Variants in PPP1R37 observed in about 807,000 individuals in gnomAD.
The protein encoded by PPP1R37 is protein phosphatase 1 regulatory subunit 37.
Under a neutral mutation model 61.0 loss-of-function variants are expected in PPP1R37, and 21 were observed. The ratio of observed to expected loss-of-function variants is 0.34; its 90% confidence interval spans 0.24 to 0.50. The LOEUF (loss-of-function observed/expected upper bound fraction) is 0.50. Among genes scored for constraint, PPP1R37 ranks in the 20% least tolerant of loss-of-function variants. The pLI, the probability that PPP1R37 is intolerant of heterozygous loss-of-function variation, is 0.98. For synonymous variants in PPP1R37, 443 were observed against 433.5 expected (o/e 1.02, Z -0.27); for missense variants, 910 against 952.7 (o/e 0.96, Z 0.59).
At chr19:45,108,120 T>C (rs996906997) in intron 1 of PPP1R37, among the ~76,000 whole-genome samples, 1 of 152,108 alleles carries the variant, frequency 6.6e-6, no homozygotes, top group African/African-American at 2.4e-5. Flanking sequence ...GGACAGTGAG[T>C]GTTGAGGGCT....
intron 1 of PPP1R37, among the ~76,000 whole-genome samples, chr19:45,114,837 C>G (rs1323640038): frequency 6.6e-6 from 1 of 151,582 alleles, no homozygotes; most frequent in Non-Finnish European, 1.5e-5. Context: ...CATCACAAGG[C>G]AGAAAGTCAC....
intron 1 of PPP1R37, among the ~76,000 whole-genome samples, chr19:45,120,458 G>C (rs1255359461): frequency 6.6e-6 from 1 of 152,226 alleles, no homozygotes; most frequent in African/African-American, 2.4e-5. Context: ...TCCACTGCGT[G>C]GATGAACTCT....
intron 1 of PPP1R37, among the ~76,000 whole-genome samples, chr19:45,107,468 G>C (rs1174553753): frequency 6.6e-6 from 1 of 152,112 alleles, no homozygotes; most frequent in Admixed American, 6.5e-5. Context: ...ACCAAGCCTG[G>C]TGGCTCATGC....
At chr19:45,141,627 T>C (rs1448160398) in intron 5 of PPP1R37, among the ~76,000 whole-genome samples, 186 bp downstream of exon 5, 1 of 152,206 alleles carries the variant, frequency 6.6e-6, no homozygotes, top group Non-Finnish European at 1.5e-5. Context: ...CCAGGCCCCC[T>C]GGCCCCTTCT....
In PPP1R37 at chr19:45,146,937, G is replaced by C. The variant is rs2122763080; in HGVS notation, c.*375G>C. 1 of 166,626 alleles carries C rather than the reference G, an allele frequency of 6.0e-6. No homozygotes were observed. Among genetic ancestry groups the C allele is most frequent in the Non-Finnish European group, 1.3e-5 (1 of 76,538 alleles). The allele number at this position is 166,626 out of a possible 1,614,324, so 10.3% of individuals were successfully genotyped here. A position where few individuals can be genotyped will look rare whatever the true frequency, so the allele number is the denominator to read the frequency against. ...TGGTCCCCTGTGGCCCCGGGCACAG[G>C]GCCGGGCAGGCAGCCTGGTGCCGGA... On this transcript the variant is annotated 3_prime_UTR_variant, in exon 13 of 13. Transcript: ENST00000221462.
intron 1 of PPP1R37, among the ~76,000 whole-genome samples, chr19:45,138,009 A>G (rs1158520611): frequency 6.6e-6 from 1 of 152,032 alleles, no homozygotes; most frequent in East Asian, 1.9e-4. Flanking sequence ...TGACAGTGCA[A>G]GCGTTTGGTC....
intron 1 of PPP1R37, among the ~76,000 whole-genome samples, chr19:45,093,829 G>A (rs1008071621): frequency 2.6e-5 from 4 of 152,206 alleles, no homozygotes; most frequent in African/African-American, 9.7e-5. Context: ...GAGTGTGGCA[G>A]CCTTTGCGTT....
chr19:45,133,689 C>T (rs1258875160), intron 1 of PPP1R37, among the ~76,000 whole-genome samples: 1 of 152,208 alleles, frequency 6.6e-6, no homozygotes, highest in Non-Finnish European at 1.5e-5. Context: ...GGGGACCCAC[C>T]CCTTTATGAG....
chr19:45,136,409 TG>T (rs749153523), intron 1 of PPP1R37: 4 of 152,350 alleles, frequency 2.6e-5, no homozygotes, highest in African/African-American at 9.6e-5. Flanking sequence ...AAGAGATAAG[TG>T]TCTCCCCTCA....
chr19:45,113,746 C>T (rs1968230169), intron 1 of PPP1R37, among the ~76,000 whole-genome samples: 1 of 152,238 alleles, frequency 6.6e-6, no homozygotes. Flanking sequence ...TCCGTGAGCT[C>T]ACTCAGAGAG....
At position 45,138,536 on chromosome 19, in the gene PPP1R37, G is replaced by A. The variant is rs1251555283; in HGVS notation, c.225G>A (p.Glu75=). The part of the protein sequence containing the change: ...WRHAQNVTVD[E]VIGAYKQACQ... ...CAGCCCAGAATGTGACCGTGGACGA[G>A]GTCATCGGCGCCTACAAGCAGGCCT... The change falls in exon 2 of 13, where the codon GAG becomes GAA. Residue 75 remains glutamate (E), a synonymous_variant. Coordinates refer to ENST00000221462, the MANE Select transcript of PPP1R37 (RefSeq NM_019121.2). 1.3e-6 allele frequency: 2 copies of A among 1,536,006 alleles called. No individual in the cohort carries two copies. Among genetic ancestry groups the A allele is most frequent in the South Asian group, 2.4e-5 (2 of 84,058 alleles).
chr19:45,129,913 C>T (rs920439774), intron 1 of PPP1R37, among the ~76,000 whole-genome samples: 1 of 152,210 alleles, frequency 6.6e-6, no homozygotes, highest in South Asian at 2.1e-4. Flanking sequence ...TGGAAAAAAA[C>T]AATAATAGTC....
chr19:45,094,239 C>T (rs902238300), intron 1 of PPP1R37, among the ~76,000 whole-genome samples: 3 of 152,176 alleles, frequency 2.0e-5, no homozygotes, highest in Non-Finnish European at 4.4e-5. Context: ...CCTCCTTGGC[C>T]TCCCAGAGTG....
chr19:45,142,066 C>T lies in PPP1R37; in HGVS notation c.573C>T (p.Ser191=), dbSNP rs1174545025. 6.6e-7 allele frequency: 1 copy of T among 1,516,290 alleles called. No homozygotes were observed. Among genetic ancestry groups the T allele is most frequent in the Non-Finnish European group, 8.8e-7 (1 of 1,135,324 alleles). The allele number at this position is 1,516,290 out of a possible 1,614,324, so 93.9% of individuals were successfully genotyped here. Reference sequence around the variant, plus strand: ...CTGTCCTCTTGCCCCTGCAGACGAGCTGCCTGCAGTATCTGGACGCCCGCA... The same window carrying T: ...CTGTCCTCTTGCCCCTGCAGACGAGTTGCCTGCAGTATCTGGACGCCCGCA... ...QAAAHMMRKT[S]CLQYLDARNT... Residue 191 remains serine (S), a synonymous_variant, in exon 6 of 13, where the codon AGC becomes AGT. Coordinates refer to ENST00000221462, the MANE Select transcript of PPP1R37 (RefSeq NM_019121.2).
intron 1 of PPP1R37, among the ~76,000 whole-genome samples, chr19:45,131,846 G>C (rs949650824): frequency 1.3e-5 from 2 of 151,952 alleles, no homozygotes; most frequent in African/African-American, 4.9e-5. Flanking sequence ...GTCTCCTGCT[G>C]ACTAAGCCAC....
rs11312138 is a variant in PPP1R37 at position 45,120,014 on chromosome 19, C to CTTTTTTTTTT, written c.203-18488_203-18479dup. 1.1e-3 allele frequency among the ~76,000 whole-genome samples: 92 copies of CTTTTTTTTTT among 83,562 alleles called. 3 individuals are homozygous for CTTTTTTTTTT. The highest frequency in any genetic ancestry group is 3.7e-3 in the African/African-American group (76 of 20,446). 54.8% of individuals were successfully genotyped at this position (83,562 alleles called of 152,430 possible). On this transcript the variant is annotated intron_variant, in intron 1 of 12. Coordinates refer to ENST00000221462, the MANE Select transcript of PPP1R37 (RefSeq NM_019121.2). ...AGCACAGATTTTTTATTTTCCCCTTCTTTTTTTTTTTTTTTTTTTTTGAGA... is the reference window on the plus strand; with the variant it reads ...AGCACAGATTTTTTATTTTCCCCTTCTTTTTTTTTTTTTTTTTTTTTTTTTTTTTTTGAGA...
Position 45,145,133 on chromosome 19 carries a change from G to A in PPP1R37, c.1169G>A (p.Arg390His), listed in dbSNP as rs1968671168. The change falls in exon 10 of 13, where the codon CGC becomes CAC. Residue 390 changes from arginine to histidine, a missense_variant. Arg to His is a conservative substitution (Grantham distance 29). Around this residue, in one of 3 missense-constraint regions of PPP1R37, gnomAD observed 549 missense variants for 505.1 expected, o/e 1.09. Coordinates refer to ENST00000221462, the MANE Select transcript of PPP1R37 (RefSeq NM_019121.2). ...AVAEFIAESP[R>H]LLRLDLRENE... ...GCGGAGTTCATCGCTGAGAGCCCCC[G>A]CCTCCTGAGACTGGACCTTCGGGAG... The A allele has an allele frequency of 1.3e-6, 2 of 1,534,486 alleles. No homozygotes were observed. The highest frequency in any genetic ancestry group is 1.4e-5 in the African/African-American group (1 of 72,866).
intron 1 of PPP1R37, among the ~76,000 whole-genome samples, chr19:45,094,832 T>G (rs578083420): frequency 1.3e-5 from 2 of 151,964 alleles, no homozygotes; most frequent in South Asian, 4.2e-4. Context: ...CTTGAAGTGT[T>G]GGGAGAGAGG....
intron 1 of PPP1R37, among the ~76,000 whole-genome samples, chr19:45,134,403 C>T (rs1169144689): frequency 6.6e-6 from 1 of 152,116 alleles, no homozygotes; most frequent in African/African-American, 2.4e-5. Context: ...ATGGGCCTGG[C>T]GGGTGTGAGT....
Sources: gnomAD v4.1 joint callset for allele counts (sites outside exome capture counted in the v4.1 genomes callset) on GRCh38, gnomAD v4.1.1 for gene constraint, gnomAD v4.1.1 regional missense constraint, MANE v1.5 for transcripts, NCBI Gene and HGNC (gene_info 2026-07-23, HGNC 2026-07-21) for gene names.